THRB: variants seen among roughly 807,000 people sequenced by gnomAD.
The protein encoded by THRB is nuclear receptor subfamily 1 group A member 2.
Under a neutral mutation model 47.8 loss-of-function variants are expected in THRB, and 12 were observed. That is an observed-to-expected ratio of 0.25 (90% CI 0.16 to 0.41). THRB has a LOEUF of 0.41. Ranked by LOEUF, THRB falls within the 10% of genes least tolerant of loss-of-function variation. THRB has a pLI of 1.00. For synonymous variants in THRB, 218 were observed against 212.2 expected (o/e 1.03, Z -0.24); for missense variants, 348 against 589.2 (o/e 0.59, Z 4.24).
At chr3:24,292,504 G>A (rs1216852446) in intron 3 of THRB, among the ~76,000 whole-genome samples, 1 of 152,106 alleles carries the variant, frequency 6.6e-6, no homozygotes, top group African/African-American at 2.4e-5. Flanking sequence ...TGCTGTGCTG[G>A]TGCCGTCCTC....
intron 1 of THRB, among the ~76,000 whole-genome samples, chr3:24,389,048 G>A (rs1258192842): frequency 2.0e-5 from 3 of 152,144 alleles, no homozygotes; most frequent in African/African-American, 7.2e-5. Context: ...ATATTCTGAA[G>A]GAGACTGTGT....
chr3:24,275,804 C>T (rs946179321), intron 3 of THRB, among the ~76,000 whole-genome samples: 10 of 152,100 alleles, frequency 6.6e-5, no homozygotes, highest in African/African-American at 9.7e-5. Context: ...GACCTTAAAA[C>T]GCTACATGAA....
chr3:24,258,195 G>A (rs576418062), intron 3 of THRB, among the ~76,000 whole-genome samples: 1 of 152,148 alleles, frequency 6.6e-6, no homozygotes, highest in South Asian at 2.1e-4. Flanking sequence ...GGGGAAGATG[G>A]AAAAGTTAAA....
intron 3 of THRB, among the ~76,000 whole-genome samples, chr3:24,258,372 G>C (rs1010089489): frequency 8.5e-5 from 13 of 152,090 alleles, no homozygotes; most frequent in Admixed American, 2.6e-4. Context: ...CAGAGGGGAG[G>C]AAGGAAAGAA....
chr3:24,283,590 T>G (rs1403402812), intron 3 of THRB, among the ~76,000 whole-genome samples: 2 of 143,150 alleles, frequency 1.4e-5, no homozygotes, highest in African/African-American at 5.9e-5. Flanking sequence ...CCAGGGCAAT[T>G]AGGCAGGAGA....
chr3:24,308,419 C>G (rs1005644027), intron 2 of THRB, among the ~76,000 whole-genome samples: 6 of 152,112 alleles, frequency 3.9e-5, no homozygotes, highest in African/African-American at 1.4e-4. Flanking sequence ...GTTTGAGGTC[C>G]TACTATGTAA....
At chr3:24,265,335 A>G (rs1005734068) in intron 3 of THRB, among the ~76,000 whole-genome samples, 2 of 152,236 alleles carry the variant, frequency 1.3e-5, no homozygotes, top group African/African-American at 4.8e-5. Flanking sequence ...GCACTGATCA[A>G]GACATTAAAA....
chr3:24,415,628 G>GA (rs902339792), intron 1 of THRB, among the ~76,000 whole-genome samples: 1 of 151,434 alleles, frequency 6.6e-6, no homozygotes, highest in Non-Finnish European at 1.5e-5. Flanking sequence ...ATGTAGTTGA[G>GA]AAAAAAAATA....
chr3:24,275,210 C>T (rs1305339750), intron 3 of THRB, among the ~76,000 whole-genome samples: 5 of 151,874 alleles, frequency 3.3e-5, no homozygotes, highest in South Asian at 4.2e-4. Context: ...TTATTTTCTT[C>T]GTGCAAAAAA....
At chr3:24,369,136 C>T (rs2064719185) in intron 1 of THRB, among the ~76,000 whole-genome samples, 1 of 152,054 alleles carries the variant, frequency 6.6e-6, no homozygotes, top group Non-Finnish European at 1.5e-5. Context: ...TGAGAACTCA[C>T]CATAATTCTA....
At chr3:24,353,744 A>G (rs2063500838) in intron 1 of THRB, among the ~76,000 whole-genome samples, 1 of 152,184 alleles carries the variant, frequency 6.6e-6, no homozygotes, top group Non-Finnish European at 1.5e-5. Flanking sequence ...AAAACTTTGT[A>G]TTAATAAGCC....
At chr3:24,263,773 A>G (rs1175799907) in intron 3 of THRB, among the ~76,000 whole-genome samples, 1 of 152,168 alleles carries the variant, frequency 6.6e-6, no homozygotes, top group African/African-American at 2.4e-5. Flanking sequence ...CATATCTTTC[A>G]TTCATAAATT....
intron 5 of THRB, among the ~76,000 whole-genome samples, chr3:24,183,263 A>G (rs896752089): frequency 2.6e-5 from 4 of 151,752 alleles, no homozygotes; most frequent in African/African-American, 9.7e-5. Flanking sequence ...TATTCTAAGA[A>G]CAGTTATCAT....
At position 24,275,628 on chromosome 3, in the gene THRB, G is replaced by T. The variant is rs188047569; in HGVS notation, c.-43+21598C>A. 4.5e-3 allele frequency among the ~76,000 whole-genome samples: 685 copies of T among 152,308 alleles called. 8 individuals are homozygous for T. Among genetic ancestry groups the T allele is most frequent in the Non-Finnish European group, 4.9e-3 (330 of 68,032 alleles). On this transcript the variant is annotated intron_variant, in intron 3 of 10. Coordinates refer to ENST00000646209, the MANE Select transcript of THRB (RefSeq NM_001354712.2). ...TCTGTTTCTTGTTAGATTCCAACAT[G>T]AGCGAGATGAAAATGTGTATTTTTG...
At chr3:24,178,673 G>GA (rs1428712185) in intron 5 of THRB, among the ~76,000 whole-genome samples, 1 of 152,086 alleles carries the variant, frequency 6.6e-6, no homozygotes, top group Non-Finnish European at 1.5e-5. Context: ...GCCAGGCACA[G>GA]AAAGAAAAAC....
intron 1 of THRB, among the ~76,000 whole-genome samples, chr3:24,487,073 T>C (rs1697411629): frequency 6.6e-6 from 1 of 152,182 alleles, no homozygotes; most frequent in African/African-American, 2.4e-5. Context: ...GACAGAAATT[T>C]AGCAGGACTT....
chr3:24,408,233 A>G (rs2067990619), intron 1 of THRB, among the ~76,000 whole-genome samples: 1 of 151,934 alleles, frequency 6.6e-6, no homozygotes, highest in African/African-American at 2.4e-5. Context: ...AGAAGTGAAT[A>G]GAAATATATC....
chr3:24,487,344 G>A (rs1387706460), intron 1 of THRB, among the ~76,000 whole-genome samples: 1 of 146,298 alleles, frequency 6.8e-6, no homozygotes, highest in Admixed American at 6.9e-5. Context: ...AGACACACAA[G>A]CACACACACA....
At chr3:24,269,733 G>A (rs1159341304) in intron 3 of THRB, among the ~76,000 whole-genome samples, 1 of 151,698 alleles carries the variant, frequency 6.6e-6, no homozygotes, top group Admixed American at 6.6e-5. Context: ...ACAGTACCCA[G>A]CCTTAAGTTA....
Sources: gnomAD v4.1 joint callset for allele counts (sites outside exome capture counted in the v4.1 genomes callset) on GRCh38, gnomAD v4.1.1 for gene constraint, MANE v1.5 for transcripts, NCBI Gene and HGNC (gene_info 2026-07-23, HGNC 2026-07-21) for gene names.